NEDD4L: variants seen among roughly 807,000 people sequenced by gnomAD.
NEDD4L encodes NEDD4 like E3 ubiquitin protein ligase.
A neutral mutation model predicts 148.9 loss-of-function variants in NEDD4L; 54 were observed. The ratio of observed to expected loss-of-function variants is 0.36; its 90% confidence interval spans 0.29 to 0.45. The LOEUF is 0.45. Ranked by LOEUF, NEDD4L falls within the 20% of genes least tolerant of loss-of-function variation. NEDD4L has a pLI of 1.00. For missense variants in NEDD4L, 856 were observed against 1,233.8 expected, an observed-to-expected ratio of 0.69 and a Z score of 4.59; for synonymous variants, 433 against 440.7, an observed-to-expected ratio of 0.98 and a Z score of 0.22.
chr18:58,218,866 A>G (rs1228992230), intron 2 of NEDD4L, among the ~76,000 whole-genome samples: 1 of 152,108 alleles, frequency 6.6e-6, no homozygotes, highest in East Asian at 1.9e-4. Flanking sequence ...GACACTGGTG[A>G]GGTTAGAATA....
chr18:58,300,410 A>G (rs899080193), intron 5 of NEDD4L, among the ~76,000 whole-genome samples: 7 of 152,230 alleles, frequency 4.6e-5, no homozygotes, highest in African/African-American at 1.7e-4. Context: ...CATCTAGTGC[A>G]CAAGTCTTCT....
At chr18:58,296,488 G>A (rs73437273) in intron 5 of NEDD4L, among the ~76,000 whole-genome samples, 25,352 of 152,180 alleles carry the variant, frequency 0.17, 2,321 homozygotes, top group East Asian at 0.29. Flanking sequence ...GCAGGGCTGC[G>A]CTCCCTCCAG....
chr18:58,082,102 A>ATATTTTTTTTTTTTTT lies in NEDD4L; in HGVS notation c.48+37395_48+37396insATTTTTTTTTTTTTTT. ...TGAATATATATATATATATATATAT[A>ATATTTTTTTTTTTTTT]TTTTTTTTTTTTTTTTTTTCTTGAG... On this transcript the variant is annotated intron_variant, in intron 1 of 30. Transcript: ENST00000400345. Among the ~76,000 whole-genome samples the ATATTTTTTTTTTTTTT allele has an allele frequency of 2.4e-3, 117 of 48,810 alleles. 2 individuals carry two copies. Among genetic ancestry groups the ATATTTTTTTTTTTTTT allele is most frequent in the African/African-American group, 0.011 (85 of 7,830 alleles). The allele number at this position is 48,810 out of a possible 152,430, so 32.0% of individuals were successfully genotyped here.
chr18:58,197,596 T>A (rs2040870618), intron 2 of NEDD4L, among the ~76,000 whole-genome samples: 1 of 152,224 alleles, frequency 6.6e-6, no homozygotes, highest in Non-Finnish European at 1.5e-5. Flanking sequence ...ATCTTTAATG[T>A]AAATGATCCT....
In NEDD4L at chr18:58,308,557, C is replaced by A. The variant is rs2057322916; in HGVS notation, c.298-7425C>A. ...CCCCTAGATCTGTAACCAAGCACAT[C>A]TGGGTGAAAGGGGAAGACATCTCTT... is the stretch of plus-strand genomic sequence containing the variant. On this transcript the variant is annotated intron_variant, in intron 5 of 30. Coordinates refer to ENST00000400345, the MANE Select transcript of NEDD4L (RefSeq NM_001144967.3). 3.3e-5 allele frequency among the ~76,000 whole-genome samples: 5 copies of A among 152,220 alleles called. No homozygotes were observed. In the South Asian group the frequency reaches 1.0e-3, roughly 31 times the overall value.
intron 1 of NEDD4L, 29 bp from the exon 2 acceptor site, chr18:58,165,759 A>T: frequency 1.9e-6 from 3 of 1,593,766 alleles, no homozygotes; most frequent in Non-Finnish European, 2.6e-6. Flanking sequence ...TCAGGTTTTT[A>T]ACCTCTTTTT....
intron 1 of NEDD4L, among the ~76,000 whole-genome samples, chr18:58,124,082 A>G (rs1397555753): frequency 6.6e-6 from 1 of 152,184 alleles, no homozygotes; most frequent in Non-Finnish European, 1.5e-5. Context: ...AGTGACCTGT[A>G]GAGACTATAT....
rs79241812 is a variant in NEDD4L at position 58,168,759 on chromosome 18, A to G, written c.122+2898A>G. On this transcript the variant is annotated intron_variant, in intron 2 of 30. Transcript: ENST00000400345. ...GGATAATGGGTGAAAGAGGAAGAAC[A>G]TTTTCATGAGAGGCATTTCAGAGCC... Among the ~76,000 whole-genome samples the G allele has an allele frequency of 7.4e-3, 1,133 of 152,330 alleles. 12 individuals are homozygous for G. Among genetic ancestry groups the G allele is most frequent in the African/African-American group, 0.025 (1,032 of 41,580 alleles).
chr18:58,044,652 G>T lies in NEDD4L; in HGVS notation c.-9G>T. On this transcript the variant is annotated 5_prime_UTR_variant, in exon 1 of 31. Transcript: ENST00000400345. ...GAGCGCCTCAGACCCCGCGCGGGGC[G>T]CCGGCTCCATGGCGACCGGGCTCGG... The T allele has an allele frequency of 2.5e-6, 4 of 1,598,220 alleles. No homozygotes were observed. Among genetic ancestry groups the T allele is most frequent in the Non-Finnish European group, 3.4e-6 (4 of 1,172,884 alleles).
chr18:58,117,417 G>A (rs1325612548), intron 1 of NEDD4L, among the ~76,000 whole-genome samples: 3 of 152,140 alleles, frequency 2.0e-5, no homozygotes, highest in Non-Finnish European at 2.9e-5. Flanking sequence ...CTTTATTTAC[G>A]GGAATAAATG....
intron 5 of NEDD4L, among the ~76,000 whole-genome samples, chr18:58,267,484 T>C (rs1005169463): frequency 6.6e-6 from 1 of 152,082 alleles, no homozygotes; most frequent in Admixed American, 6.6e-5. Flanking sequence ...GAGAGGCCTT[T>C]GCAGAAGTGC....
intron 2 of NEDD4L, among the ~76,000 whole-genome samples, chr18:58,169,053 G>A (rs1207625365): frequency 6.6e-6 from 1 of 152,204 alleles, no homozygotes; most frequent in African/African-American, 2.4e-5. Context: ...CTCAGAGGCC[G>A]GGGGTTTCTG....
chr18:58,286,058 T>C (rs900762061), intron 5 of NEDD4L, among the ~76,000 whole-genome samples: 6 of 152,226 alleles, frequency 3.9e-5, no homozygotes, highest in African/African-American at 1.2e-4. Flanking sequence ...TGCAAGTAGA[T>C]GCACGTTCTT....
At chr18:58,311,706 T>TTTGTTG (rs147148524) in intron 5 of NEDD4L, among the ~76,000 whole-genome samples, 6 of 151,930 alleles carry the variant, frequency 3.9e-5, no homozygotes, top group South Asian at 2.1e-4. Flanking sequence ...CCCTGTGGTT[T>TTTGTTG]TTGTTGTTGT....
chr18:58,111,228 C>T (rs1568230908), intron 1 of NEDD4L, among the ~76,000 whole-genome samples: 1 of 152,150 alleles, frequency 6.6e-6, no homozygotes. Flanking sequence ...CCACTACACC[C>T]AGCTAGTTTT....
chr18:58,287,911 A>G (rs1427640246), intron 5 of NEDD4L, among the ~76,000 whole-genome samples: 2 of 152,220 alleles, frequency 1.3e-5, no homozygotes, highest in Non-Finnish European at 2.9e-5. Flanking sequence ...AAAAAATAAG[A>G]TACCAGCAAT....
intron 1 of NEDD4L, among the ~76,000 whole-genome samples, chr18:58,114,426 G>T (rs2085638180): frequency 6.6e-6 from 1 of 152,056 alleles, no homozygotes; most frequent in African/African-American, 2.4e-5. Flanking sequence ...TGTGCCAGGG[G>T]ATCCCAAACT....
At chr18:58,394,371 G>A (rs1194748095) in intron 30 of NEDD4L, among the ~76,000 whole-genome samples, 3 of 152,162 alleles carry the variant, frequency 2.0e-5, no homozygotes. Context: ...TCTTCATCAT[G>A]CCAGTGTTTC....
At chr18:58,190,967 C>A (rs762127139) in intron 2 of NEDD4L, among the ~76,000 whole-genome samples, 1 of 152,068 alleles carries the variant, frequency 6.6e-6, no homozygotes, top group Non-Finnish European at 1.5e-5. Flanking sequence ...AAAGGTTAGC[C>A]AGACGTGGTG....
Sources: gnomAD v4.1 joint callset for allele counts (sites outside exome capture counted in the v4.1 genomes callset) on GRCh38, gnomAD v4.1.1 for gene constraint, MANE v1.5 for transcripts, NCBI Gene and HGNC (gene_info 2026-07-23, HGNC 2026-07-21) for gene names.